ABCC1: variants seen among roughly 807,000 people sequenced by gnomAD.
The protein encoded by ABCC1 is multidrug resistance-associated protein 1.
A neutral mutation model predicts 172.9 loss-of-function variants in ABCC1; 83 were observed. That is an observed-to-expected ratio of 0.48 (90% CI 0.40 to 0.58). ABCC1 has a LOEUF of 0.58. Among genes scored for constraint, ABCC1 ranks in the 20% least tolerant of loss-of-function variants. ABCC1 has a pLI of 0.00. For synonymous variants in ABCC1, 937 were observed against 825.2 expected, an observed-to-expected ratio of 1.14 and a Z score of -2.32; for missense variants, 1,817 against 2,002.7, an observed-to-expected ratio of 0.91 and a Z score of 1.77.
intron 20 of ABCC1, among the ~76,000 whole-genome samples, chr16:16,105,714 C>CTTTTCT (rs770606131): frequency 7.7e-6 from 1 of 130,396 alleles, no homozygotes; most frequent in African/African-American, 2.9e-5. Context: ...CTTTTCTTTT[C>CTTTTCT]TTTTTTTTTT....
intron 1 of ABCC1, among the ~76,000 whole-genome samples, chr16:15,958,839 C>T (rs1397475558): frequency 6.6e-6 from 1 of 152,098 alleles, no homozygotes; most frequent in African/African-American, 2.4e-5. Context: ...AGCACAGTTG[C>T]TCAGTGTCGG....
intron 1 of ABCC1, among the ~76,000 whole-genome samples, chr16:15,961,300 T>C (rs1391480836): frequency 1.3e-5 from 2 of 152,210 alleles, no homozygotes; most frequent in African/African-American, 2.4e-5. Flanking sequence ...CGTAAGATGA[T>C]GAGGTACTTT....
At chr16:15,953,117 C>T (rs979282520) in intron 1 of ABCC1, among the ~76,000 whole-genome samples, 10 of 152,066 alleles carry the variant, frequency 6.6e-5, no homozygotes, top group Non-Finnish European at 1.3e-4. Flanking sequence ...AGGCGGATCA[C>T]CTGAGGTCAG....
rs111583444 is a variant in ABCC1 at position 15,973,820 on chromosome 16, T to TA, written c.48+24036dup. Reference sequence around the variant, plus strand: ...GCGAGACCCAGTCTCTACACAAAATTAAAAAAAAAAAAAAATTAGCCCGGT... The same window carrying TA: ...GCGAGACCCAGTCTCTACACAAAATTAAAAAAAAAAAAAAAATTAGCCCGGT... On this transcript the variant is annotated intron_variant, in intron 1 of 30. Transcript: ENST00000399410. Among the ~76,000 whole-genome samples the TA allele has an allele frequency of 4.3e-3, 600 of 139,140 alleles. 15 individuals carry two copies. In the South Asian group the frequency reaches 0.072, roughly 17 times the overall value. 91.3% of individuals were successfully genotyped at this position (139,140 alleles called of 152,430 possible).
Position 16,079,487 on chromosome 16 carries a change from A to C in ABCC1, c.2115+9A>C. 1 of 1,606,886 alleles carries C rather than the reference A, an allele frequency of 6.2e-7. No individual in the cohort carries two copies. Among genetic ancestry groups the C allele is most frequent in the Non-Finnish European group, 8.5e-7 (1 of 1,174,282 alleles). On this transcript the variant is annotated intron_variant, in intron 16 of 30. Transcript: ENST00000399410. Reference sequence around the variant, plus strand: ...GGCACGTGGCTATCAAGGTAGGATGAGGACCAGCGGGGAGGGGCAGTGGGG... The same window carrying C: ...GGCACGTGGCTATCAAGGTAGGATGCGGACCAGCGGGGAGGGGCAGTGGGG...
chr16:16,133,534 T>G (rs530305516), intron 27 of ABCC1, among the ~76,000 whole-genome samples: 2 of 152,122 alleles, frequency 1.3e-5, no homozygotes, highest in Admixed American at 6.6e-5. Flanking sequence ...CTCCCGAGTA[T>G]CTGGGACTAC....
intron 19 of ABCC1, among the ~76,000 whole-genome samples, chr16:16,093,863 G>T (rs1392579038): frequency 1.3e-5 from 2 of 152,108 alleles, no homozygotes; most frequent in Admixed American, 6.6e-5. Flanking sequence ...GAATCCTTGA[G>T]GGGGGATGGG....
At chr16:16,068,072 C>A in intron 12 of ABCC1, 84 bp from the exon 13 acceptor site, 6 of 1,542,144 alleles carry the variant, frequency 3.9e-6, no homozygotes, top group Non-Finnish European at 5.3e-6. Context: ...AGGGCCCAAG[C>A]GCGTCTCCAG....
chr16:16,009,815 C>G lies in ABCC1; in HGVS notation c.265C>G (p.Leu89Val). 6.2e-7 allele frequency: 1 copy of G among 1,610,480 alleles called. No homozygotes were observed. Among genetic ancestry groups the G allele is most frequent in the Non-Finnish European group, 8.5e-7 (1 of 1,178,610 alleles). Reference sequence around the variant, plus strand: ...GCTGTGGATCGTCTGCTGGGCAGACCTCTTCTACTCTTTCTGGGAAAGAAG... The same window carrying G: ...GCTGTGGATCGTCTGCTGGGCAGACGTCTTCTACTCTTTCTGGGAAAGAAG... ...FLLWIVCWAD[L>V]FYSFWERSRG... The change falls in exon 3 of 31, where the codon CTC (leucine) becomes GTC (valine). Residue 89 changes from leucine (L) to valine (V), a missense_variant. Coordinates refer to ENST00000399410, the MANE Select transcript of ABCC1 (RefSeq NM_004996.4).
chr16:16,109,637 A>G (rs1395223263), intron 21 of ABCC1, among the ~76,000 whole-genome samples: 1 of 152,194 alleles, frequency 6.6e-6, no homozygotes, highest in Middle Eastern at 3.2e-3. Flanking sequence ...AGGCGGCTAG[A>G]CACATTTGTT....
intron 1 of ABCC1, among the ~76,000 whole-genome samples, chr16:15,971,984 A>C (rs748461945): frequency 6.6e-6 from 1 of 152,206 alleles, no homozygotes; most frequent in Non-Finnish European, 1.5e-5. Context: ...CGGAACCTCC[A>C]GGAGTTGATT....
chr16:15,967,412 G>C (rs1054899169), intron 1 of ABCC1, among the ~76,000 whole-genome samples: 3 of 151,898 alleles, frequency 2.0e-5, no homozygotes, highest in Non-Finnish European at 4.4e-5. Flanking sequence ...ACTGATATGT[G>C]GGGAGATTCA....
chr16:15,991,453 C>G (rs1469320044), intron 1 of ABCC1, among the ~76,000 whole-genome samples: 1 of 152,124 alleles, frequency 6.6e-6, no homozygotes, highest in Non-Finnish European at 1.5e-5. Flanking sequence ...GTAGCCCCAG[C>G]GAGCTCAGGG....
At chr16:16,036,767 A>G (rs535896216) in intron 7 of ABCC1, among the ~76,000 whole-genome samples, 164 bp downstream of exon 7, 28 of 152,176 alleles carry the variant, frequency 1.8e-4, no homozygotes, top group Non-Finnish European at 3.8e-4. Context: ...CTTTTCTGCC[A>G]AATGGGGTAG....
At chr16:16,046,911 C>G (rs2049234065) in intron 9 of ABCC1, among the ~76,000 whole-genome samples, 1 of 152,022 alleles carries the variant, frequency 6.6e-6, no homozygotes, top group Non-Finnish European at 1.5e-5. Context: ...TAAACTGATG[C>G]AGGCCAGGCA....
chr16:16,016,153 T>TG (rs2047986237), intron 4 of ABCC1, among the ~76,000 whole-genome samples: 1 of 142,216 alleles, frequency 7.0e-6, no homozygotes, highest in Non-Finnish European at 1.5e-5. Context: ...ATCTTGGTTT[T>TG]TTTTTTTTTT....
intron 12 of ABCC1, among the ~76,000 whole-genome samples, chr16:16,057,327 C>T (rs959931055): frequency 1.3e-5 from 2 of 151,030 alleles, no homozygotes; most frequent in African/African-American, 2.4e-5. Flanking sequence ...CCACGGCACT[C>T]CAGCCTGGGC....
chr16:16,086,822 A>G lies in ABCC1; in HGVS notation c.2293-2A>G. On this transcript the variant is annotated splice_acceptor_variant, in intron 17 of 30. Coordinates refer to ENST00000399410, the MANE Select transcript of ABCC1 (RefSeq NM_004996.4). LOFTEE classifies it high-confidence loss of function. Reference sequence around the variant, plus strand: ...CCCACTCCTGTGTGTGTCTCTCCCCAGGGCGTGAACCTGTCTGGGGGCCAG... The same window carrying G: ...CCCACTCCTGTGTGTGTCTCTCCCCGGGGCGTGAACCTGTCTGGGGGCCAG... 1.2e-6 allele frequency: 2 copies of G among 1,613,418 alleles called. No individual in the cohort carries two copies. Among genetic ancestry groups the G allele is most frequent in the South Asian group, 1.1e-5 (1 of 91,046 alleles).
intron 20 of ABCC1, among the ~76,000 whole-genome samples, chr16:16,105,701 TTTC>T (rs1185309822): frequency 7.2e-6 from 1 of 138,908 alleles, no homozygotes; most frequent in Non-Finnish European, 1.5e-5. Context: ...CATAATTTCT[TTTC>T]TTTTCTTTTC....
Sources: gnomAD v4.1 joint callset for allele counts (sites outside exome capture counted in the v4.1 genomes callset) on GRCh38, gnomAD v4.1.1 for gene constraint, MANE v1.5 for transcripts, NCBI Gene and HGNC (gene_info 2026-07-23, HGNC 2026-07-21) for gene names.